BBS9: variants seen among roughly 807,000 people sequenced by gnomAD.
BBS9 encodes the protein Bardet-Biedl syndrome 9.
Under a neutral mutation model 117.7 loss-of-function variants are expected in BBS9, and 89 were observed. The ratio of observed to expected loss-of-function variants is 0.76; its 90% CI spans 0.64 to 0.90. BBS9 has a LOEUF of 0.90. BBS9 is among the 40% of genes least tolerant of loss of function. The pLI is 0.00. For missense variants in BBS9, 982 were observed against 1,042.2 expected (o/e 0.94, Z 0.80); for synonymous variants, 379 against 370.9 (o/e 1.02, Z -0.25).
rs141822754 is a variant in BBS9, at chr7:33,234,368, T to C, written c.443-22868T>C. 8.6e-3 allele frequency among the ~76,000 whole-genome samples: 1,305 copies of C among 152,142 alleles called. 18 individuals carry two copies. The highest frequency in any genetic ancestry group is 0.041 in the South Asian group (196 of 4,810). ...TAGTTGACAATTAAAAATTGTATATTTTTAAGGTTTACAACTTGATGATTT... is the reference window on the plus strand; with the variant it reads ...TAGTTGACAATTAAAAATTGTATATCTTTAAGGTTTACAACTTGATGATTT... On this transcript the variant is annotated intron_variant, in intron 5 of 22. Transcript: ENST00000242067.
At chr7:33,596,359 T>TTATCTATCTATC (rs140019958) in intron 21 of BBS9, among the ~76,000 whole-genome samples, 26,758 of 144,812 alleles carry the variant, frequency 0.18, 2,956 homozygotes, top group East Asian at 0.31. Context: ...TGATATATAA[T>TTATCTATCTATC]TATCTATCTA....
At chr7:33,539,294 G>A (rs1009489383) in intron 21 of BBS9, among the ~76,000 whole-genome samples, 1 of 152,156 alleles carries the variant, frequency 6.6e-6, no homozygotes, top group Non-Finnish European at 1.5e-5. Flanking sequence ...CTGCATTTAT[G>A]CACCTCCCAG....
At chr7:33,294,355 CTTTG>C (rs1804815823) in intron 9 of BBS9, among the ~76,000 whole-genome samples, 2 of 135,144 alleles carry the variant, frequency 1.5e-5, no homozygotes, top group African/African-American at 5.9e-5. Flanking sequence ...CTATCTATCT[CTTTG>C]TCCATCCATC....
At chr7:33,359,764 C>G (rs1820286889) in intron 16 of BBS9, among the ~76,000 whole-genome samples, 2 of 151,954 alleles carry the variant, frequency 1.3e-5, no homozygotes, top group South Asian at 2.1e-4. Context: ...AATAAAACAA[C>G]TTTTACTCTA....
intron 4 of BBS9, among the ~76,000 whole-genome samples, chr7:33,163,331 G>A (rs1374848806): frequency 6.6e-6 from 1 of 152,110 alleles, no homozygotes; most frequent in African/African-American, 2.4e-5. Context: ...GTATCAGGAT[G>A]ATGCTGGCCT....
intron 4 of BBS9, among the ~76,000 whole-genome samples, chr7:33,162,806 T>C (rs1194963273): frequency 1.3e-5 from 2 of 152,182 alleles, no homozygotes; most frequent in Admixed American, 1.3e-4. Context: ...TTTTTCCTAA[T>C]TGAATACCCT....
At chr7:33,368,607 CACACACACA>C (rs1822259533) in intron 17 of BBS9, among the ~76,000 whole-genome samples, 1 of 151,084 alleles carries the variant, frequency 6.6e-6, no homozygotes, top group African/African-American at 2.4e-5. Context: ...CACACACACA[CACACACACA>C]CCCATACCCC....
intron 19 of BBS9, among the ~76,000 whole-genome samples, chr7:33,415,941 C>T (rs943393762): frequency 3.9e-5 from 6 of 152,122 alleles, no homozygotes; most frequent in African/African-American, 1.4e-4. Flanking sequence ...GCTTAGGATC[C>T]TGCCACCTCA....
chr7:33,390,444 T>C (rs941867238), intron 19 of BBS9: 3 of 982,918 alleles, frequency 3.1e-6, no homozygotes, highest in Non-Finnish European at 3.6e-6. Context: ...CACTTGAATG[T>C]ATATTGTTAA....
chr7:33,613,641 G>T (rs905377900), intron 21 of BBS9, among the ~76,000 whole-genome samples: 2 of 152,018 alleles, frequency 1.3e-5, no homozygotes, highest in African/African-American at 4.8e-5. Context: ...GATATTTTTT[G>T]ATCCTCGCAA....
chr7:33,333,622 C>CT lies in BBS9; in HGVS notation c.1017-2808dup, dbSNP rs756098305. 4.2e-3 allele frequency among the ~76,000 whole-genome samples: 623 copies of CT among 147,088 alleles called. 6 individuals carry two copies. The highest frequency in any genetic ancestry group is 5.5e-3 in the Non-Finnish European group (364 of 66,266). On this transcript the variant is annotated intron_variant, in intron 9 of 22. Transcript: ENST00000242067. ...AAATAAACAAACTAAGCTATAATGTCTTTTTTTTTTTGAGACCGAGTCTTG... is the reference window on the plus strand; with the variant it reads ...AAATAAACAAACTAAGCTATAATGTCTTTTTTTTTTTTGAGACCGAGTCTTG...
chr7:33,577,248 A>G (rs943868955), intron 21 of BBS9, among the ~76,000 whole-genome samples: 1 of 152,240 alleles, frequency 6.6e-6, no homozygotes, highest in South Asian at 2.1e-4. Context: ...AAAGGATATG[A>G]ACAGACACTT....
In BBS9 at chr7:33,388,151, A is replaced by G. The variant is rs1374218289; in HGVS notation, c.2115+7A>G. 2.5e-6 allele frequency: 4 copies of G among 1,613,816 alleles called. No individual in the cohort carries two copies. Among genetic ancestry groups the G allele is most frequent in the East Asian group, 2.2e-5 (1 of 44,890 alleles). On this transcript the variant is annotated splice_region_variant and intron_variant, in intron 19 of 22. Coordinates refer to ENST00000242067, the MANE Select transcript of BBS9 (RefSeq NM_198428.3). ...AGATGGAACCTACAAGCAGGTCAGTATAATATCAGTAACAGTTTTCTATTA... is the reference window on the plus strand; with the variant it reads ...AGATGGAACCTACAAGCAGGTCAGTGTAATATCAGTAACAGTTTTCTATTA...
At chr7:33,448,199 C>T (rs776679808) in intron 19 of BBS9, among the ~76,000 whole-genome samples, 2 of 152,042 alleles carry the variant, frequency 1.3e-5, no homozygotes, top group Non-Finnish European at 2.9e-5. Context: ...GTGTGGGAAA[C>T]CAAGGACTTT....
At chr7:33,393,358 C>T (rs552284398) in intron 19 of BBS9, among the ~76,000 whole-genome samples, 6 of 152,266 alleles carry the variant, frequency 3.9e-5, no homozygotes, top group African/African-American at 1.2e-4. Context: ...TTGTCCAGTA[C>T]TGGCTTCATG....
chr7:33,318,046 T>C (rs561657583), intron 9 of BBS9, among the ~76,000 whole-genome samples: 1 of 152,208 alleles, frequency 6.6e-6, no homozygotes, highest in South Asian at 2.1e-4. Flanking sequence ...AGCAAGACTG[T>C]CTCAAACAAA....
At position 33,273,922 on chromosome 7, in the gene BBS9, C is replaced by A; in HGVS notation, c.982C>A (p.His328Asn). The change falls in exon 9 of 23, where the codon CAC becomes AAC. Residue 328 changes from histidine (H) to asparagine (N), a missense_variant. Transcript: ENST00000242067. Reference protein sequence around the residue: ...VTLKWATQLPHIPVAVRVGCL... With the variant: ...VTLKWATQLPNIPVAVRVGCL... Reference sequence around the variant, plus strand: ...ACTGAAGTGGGCCACCCAACTTCCCCACATTCCTGTAGCAGTAAGAGTGGG... The same window carrying A: ...ACTGAAGTGGGCCACCCAACTTCCCAACATTCCTGTAGCAGTAAGAGTGGG... 6.2e-7 allele frequency: 1 copy of A among 1,613,546 alleles called. No individual in the cohort carries two copies. The highest frequency in any genetic ancestry group is 2.2e-5 in the East Asian group (1 of 44,780).
chr7:33,184,095 CACAGAGAGAG>C (rs1351205045), intron 5 of BBS9, among the ~76,000 whole-genome samples: 6 of 131,868 alleles, frequency 4.6e-5, no homozygotes, highest in African/African-American at 1.3e-4. Context: ...GCAGTTTGCA[CACAGAGAGAG>C]AGAGAGAGAG....
intron 21 of BBS9, among the ~76,000 whole-genome samples, chr7:33,634,579 C>G (rs1562548763): frequency 6.6e-6 from 1 of 152,194 alleles, no homozygotes; most frequent in Non-Finnish European, 1.5e-5. Context: ...ACCCTCAGTG[C>G]TATCTTACCT....
Sources: gnomAD v4.1 joint callset for allele counts (sites outside exome capture counted in the v4.1 genomes callset) on GRCh38, gnomAD v4.1.1 for gene constraint, MANE v1.5 for transcripts, NCBI Gene and HGNC (gene_info 2026-07-23, HGNC 2026-07-21) for gene names.